Variants in APLF observed in about 807,000 individuals in gnomAD.
APLF encodes the protein aprataxin and PNKP like factor, also known as aprataxin and PNK-like factor.
A neutral mutation model predicts 55.6 loss-of-function variants in APLF; 61 were observed. The observed-to-expected ratio is 1.10, with a 90% CI of 0.89 to 1.36. APLF has a LOEUF of 1.36. Ranked by LOEUF, APLF falls within the 40% of genes most tolerant of loss-of-function variation. The pLI is 0.00. For synonymous variants in APLF, 207 were observed against 214.8 expected (o/e 0.96, Z 0.32); for missense variants, 611 against 602.5 (o/e 1.01, Z -0.15).
rs76472949 is a variant in APLF at position 68,552,382 on chromosome 2, C to T, written c.1286+7070C>T. 5.5e-3 allele frequency among the ~76,000 whole-genome samples: 834 copies of T among 151,528 alleles called. 4 individuals carry two copies. The highest frequency in any genetic ancestry group is 0.019 in the African/African-American group (798 of 41,140). ...GCTCTTTCTTTGAATAGTTTCTCCA[C>T]TTGGTTTAAATCTTATCCTTAACCA... On this transcript the variant is annotated intron_variant, in intron 8 of 9. Transcript: ENST00000303795.
At chr2:68,496,620 A>G (rs1190802581) in intron 2 of APLF, among the ~76,000 whole-genome samples, 1 of 152,210 alleles carries the variant, frequency 6.6e-6, no homozygotes. Flanking sequence ...AGAAGCAGCC[A>G]GGCCACTTCT....
intron 5 of APLF, among the ~76,000 whole-genome samples, chr2:68,518,564 G>T (rs1250981397): frequency 4.3e-5 from 5 of 116,108 alleles, no homozygotes; most frequent in Non-Finnish European, 6.5e-5. Context: ...AATGTATCAT[G>T]AATATATAAT....
intron 8 of APLF, among the ~76,000 whole-genome samples, chr2:68,559,908 T>A (rs1671122859): frequency 6.6e-6 from 1 of 152,156 alleles, no homozygotes; most frequent in African/African-American, 2.4e-5. Flanking sequence ...GCTTACAAGT[T>A]CCCTGACTTC....
intron 9 of APLF, 81 bp from the exon 10 acceptor site, chr2:68,577,739 A>G (rs1671660928): frequency 6.5e-7 from 1 of 1,528,494 alleles, no homozygotes; most frequent in Non-Finnish European, 8.9e-7. Flanking sequence ...CTGGATGCAG[A>G]AAGACATTTT....
At chr2:68,478,926 AAG>A (rs1229735577) in intron 1 of APLF, among the ~76,000 whole-genome samples, 1 of 152,208 alleles carries the variant, frequency 6.6e-6, no homozygotes, top group African/African-American at 2.4e-5. Context: ...TGGTTGTACA[AAG>A]AGAAGGTGTA....
intron 6 of APLF, among the ~76,000 whole-genome samples, chr2:68,534,009 A>G (rs1001503407): frequency 2.6e-5 from 4 of 152,214 alleles, no homozygotes; most frequent in African/African-American, 9.6e-5. Context: ...GCATTAACAA[A>G]GTGAAGAAAT....
intron 5 of APLF, among the ~76,000 whole-genome samples, chr2:68,518,038 TAA>T (rs1373276144): frequency 7.3e-6 from 1 of 137,850 alleles, no homozygotes; most frequent in Non-Finnish European, 1.5e-5. Context: ...TAATAATATA[TAA>T]CAGTAATATA....
chr2:68,520,823 T>C (rs1669877088), intron 5 of APLF, among the ~76,000 whole-genome samples: 1 of 151,972 alleles, frequency 6.6e-6, no homozygotes, highest in Non-Finnish European at 1.5e-5. Context: ...TTCATATGAA[T>C]TTTGGGATTG....
chr2:68,521,166 A>G (rs934098625), intron 5 of APLF, among the ~76,000 whole-genome samples: 1 of 151,820 alleles, frequency 6.6e-6, no homozygotes, highest in African/African-American at 2.4e-5. Context: ...GCAGTACTAC[A>G]GATTTGTGTA....
chr2:68,535,488 T>A (rs1323376403), intron 6 of APLF: 2 of 190,726 alleles, frequency 1.0e-5, no homozygotes, highest in Non-Finnish European at 2.4e-5. Flanking sequence ...AGTATGGATA[T>A]TATTCTTGTT....
chr2:68,503,373 T>A (rs1676781215), intron 3 of APLF, among the ~76,000 whole-genome samples: 1 of 152,160 alleles, frequency 6.6e-6, no homozygotes, highest in Admixed American at 6.6e-5. Context: ...AGAATAAATA[T>A]ACTGATGTCT....
intron 1 of APLF, among the ~76,000 whole-genome samples, chr2:68,483,110 C>T (rs1320132298): frequency 1.3e-5 from 2 of 152,068 alleles, no homozygotes; most frequent in Admixed American, 1.3e-4. Flanking sequence ...TATTGGCCCC[C>T]AGAGCAGGAC....
At chr2:68,567,213 C>G (rs772347112) in intron 8 of APLF, 128 bp from the exon 9 acceptor site, 9 of 699,252 alleles carry the variant, frequency 1.3e-5, no homozygotes, top group South Asian at 7.5e-5. Flanking sequence ...ACAACAAATG[C>G]TTTTTCATAA....
chr2:68,562,225 G>C (rs955825232), intron 8 of APLF, among the ~76,000 whole-genome samples: 7 of 152,096 alleles, frequency 4.6e-5, no homozygotes, highest in African/African-American at 1.7e-4. Flanking sequence ...GTTACTAGAG[G>C]CTGGAAGGAG....
intron 8 of APLF, among the ~76,000 whole-genome samples, chr2:68,549,483 T>C (rs530365292): frequency 1.2e-3 from 184 of 152,214 alleles, no homozygotes; most frequent in Non-Finnish European, 2.2e-3. Context: ...ATTATTGATT[T>C]ATAATTTAAT....
chr2:68,519,103 A>AATATAATATATAAT (rs1335898010), intron 5 of APLF, among the ~76,000 whole-genome samples: 7 of 113,486 alleles, frequency 6.2e-5, no homozygotes, highest in African/African-American at 2.7e-4. Flanking sequence ...ATATAATAAT[A>AATATAATATATAAT]TAATATATAA....
At chr2:68,539,366 T>G (rs1242311713) in intron 7 of APLF, among the ~76,000 whole-genome samples, 1 of 152,246 alleles carries the variant, frequency 6.6e-6, no homozygotes, top group Non-Finnish European at 1.5e-5. Context: ...TCAGCAAGTT[T>G]GTTTTCTCCT....
intron 1 of APLF, 25 bp downstream of exon 1, chr2:68,467,852 G>C: frequency 8.1e-7 from 1 of 1,230,666 alleles, no homozygotes. Flanking sequence ...GGGCTTAGCG[G>C]ACCCCGAGAG....
At position 68,578,832 on chromosome 2, in the gene APLF, C is replaced by A; in HGVS notation, c.*810C>A. On this transcript the variant is annotated 3_prime_UTR_variant, in exon 10 of 10. Coordinates refer to ENST00000303795, the MANE Select transcript of APLF (RefSeq NM_173545.3). ...ATTAGTTTTGCCTTAGTTTTTTTGACCTCAGATGAAAGTAGCAAGTTGTTT... is the reference window on the plus strand; with the variant it reads ...ATTAGTTTTGCCTTAGTTTTTTTGAACTCAGATGAAAGTAGCAAGTTGTTT... 1.0e-6 allele frequency: 1 copy of A among 985,096 alleles called. No homozygotes were observed. The highest frequency in any genetic ancestry group is 1.2e-6 in the Non-Finnish European group (1 of 829,814). 61.0% of individuals were successfully genotyped at this position (985,096 alleles called of 1,614,324 possible).
Sources: allele counts gnomAD v4.1 joint callset (sites outside exome capture counted in the v4.1 genomes callset), GRCh38; gene constraint gnomAD v4.1.1; transcripts MANE v1.5; gene names NCBI Gene and HGNC (gene_info 2026-07-23, HGNC 2026-07-21).